FCGR2B: variants seen among roughly 807,000 people sequenced by gnomAD.
FCGR2B encodes low affinity immunoglobulin gamma Fc region receptor II-b.
FCGR2B carries 18 observed loss-of-function variants against 24.8 expected under a neutral mutation model. The observed-to-expected ratio is 0.73, with a 90% CI of 0.50 to 1.08. The LOEUF is 1.08. Ranked by LOEUF, FCGR2B falls within the 50% of genes least tolerant of loss-of-function variation. The pLI, the probability that FCGR2B is intolerant of heterozygous loss-of-function variation, is 0.00. For missense variants in FCGR2B, 215 were observed against 297.6 expected (o/e 0.72, Z 2.04); for synonymous variants, 79 against 109.8 (o/e 0.72, Z 1.75).
chr1:161,671,582 C>T lies in FCGR2B; in HGVS notation c.324C>T (p.Ser108=), dbSNP rs528404100. 1.7e-5 allele frequency: 27 copies of T among 1,614,150 alleles called. No individual in the cohort carries two copies. The highest frequency in any genetic ancestry group is 5.3e-5 in the African/African-American group (4 of 75,036). ...SYRFKANNND[S]GEYTCQTGQT... ...GGTTCAAGGCCAACAACAATGACAGCGGGGAGTACACGTGCCAGACTGGCC... is the reference window on the plus strand; with the variant it reads ...GGTTCAAGGCCAACAACAATGACAGTGGGGAGTACACGTGCCAGACTGGCC... The change falls in exon 3 of 8, where the codon AGC becomes AGT. Residue 108 remains serine (S), a synonymous_variant. Transcript: ENST00000358671.
At chr1:161,647,297 C>CTTTT in the FCGR2B span, among the ~76,000 whole-genome samples, 456 of 122,508 alleles carry the variant, frequency 3.7e-3, 13 homozygotes, top group African/African-American at 0.014. Flanking sequence ...GCTCTGGACT[C>CTTTT]TTTTTTTTTT....
At chr1:161,669,726 T>C (rs1265278629) in intron 1 of FCGR2B, among the ~76,000 whole-genome samples, 1 of 122,080 alleles carries the variant, frequency 8.2e-6, no homozygotes, top group Non-Finnish European at 1.9e-5. Context: ...CACTTATGTA[T>C]GTCTGTATGT....
chr1:161,647,863 T>A, the FCGR2B span, among the ~76,000 whole-genome samples: 3 of 150,980 alleles, frequency 2.0e-5, no homozygotes, highest in Non-Finnish European at 4.4e-5. Context: ...CACACTGTGC[T>A]TCGTGTGTTC....
intron 6 of FCGR2B, 126 bp from the exon 7 acceptor site, chr1:161,677,202 C>T (rs187492175): frequency 1.1e-6 from 1 of 900,104 alleles, no homozygotes; most frequent in Admixed American, 2.1e-5. Context: ...CCTAGAGGCC[C>T]AAGACAGGGT....
chr1:161,672,898 C>T, intron 3 of FCGR2B, 77 bp from the exon 4 acceptor site: 1 of 1,587,008 alleles, frequency 6.3e-7, no homozygotes, highest in Non-Finnish European at 8.6e-7. Context: ...ACATCGTGTC[C>T]CACCAGTAAG....
Position 161,671,543 on chromosome 1 carries a change from G to T in FCGR2B, c.285G>T (p.Thr95=), listed in dbSNP as rs201949883. ...FHNGNLIPTH[T]QPSYRFKANN... is the part of the protein sequence containing the mutation. ...ATGGGAATCTCATTCCCACCCACAC[G>T]CAGCCCAGCTACAGGTTCAAGGCCA... Residue 95 remains threonine, a synonymous_variant, in exon 3 of 8, where the codon ACG becomes ACT. Coordinates refer to ENST00000358671, the MANE Select transcript of FCGR2B (RefSeq NM_001394477.1). 47 of 1,614,016 alleles carry T rather than the reference G, an allele frequency of 2.9e-5. No individual in the cohort carries two copies. The highest frequency in any genetic ancestry group is 3.8e-5 in the Non-Finnish European group (45 of 1,180,046).
At chr1:161,656,292 GTTC>G in the FCGR2B span, among the ~76,000 whole-genome samples, 34,584 of 141,174 alleles carry the variant, frequency 0.24, 4,655 homozygotes, top group Middle Eastern at 0.33. Context: ...AGAGACCACT[GTTC>G]TTCTCATTTC....
At chr1:161,661,240 AAG>A (rs1681049296), upstream of FCGR2B, among the ~76,000 whole-genome samples, 1 of 80,242 alleles carries the variant, frequency 1.2e-5, no homozygotes, top group Non-Finnish European at 2.9e-5. Context: ...GAAAGAAAGA[AAG>A]AAAGAAAGAA....
chr1:161,647,535 A>T, the FCGR2B span, among the ~76,000 whole-genome samples: 5 of 150,262 alleles, frequency 3.3e-5, no homozygotes, highest in African/African-American at 1.2e-4. Context: ...TCCTGACCTC[A>T]GGTGATTCCC....
chr1:161,670,985 T>A (rs1235410122), intron 2 of FCGR2B, among the ~76,000 whole-genome samples: 1 of 151,532 alleles, frequency 6.6e-6, no homozygotes, highest in Non-Finnish European at 1.5e-5. Flanking sequence ...GGGAAATTTA[T>A]CCACTAGTGT....
In FCGR2B at chr1:161,671,426, C is replaced by T; in HGVS notation, c.168C>T (p.Pro56=). Residue 56 remains proline (P), a synonymous_variant, in exon 3 of 8, where the codon CCC becomes CCT. Transcript: ENST00000358671. ...CAAAGGCTGTGCTGAAACTCGAGCC[C>T]CAGTGGATCAACGTGCTCCAGGAGG... The part of the protein sequence containing the change: ...APPKAVLKLE[P]QWINVLQEDS... 7.4e-6 allele frequency: 12 copies of T among 1,614,194 alleles called. No individual in the cohort carries two copies. The highest frequency in any genetic ancestry group is 1.0e-5 in the Non-Finnish European group (12 of 1,180,042).
At chr1:161,671,832 G>A (rs758450618) in intron 3 of FCGR2B, 183 bp downstream of exon 3, 1 of 1,246,074 alleles carries the variant, frequency 8.0e-7, no homozygotes, top group Non-Finnish European at 1.1e-6. Flanking sequence ...AAGGTTTCAA[G>A]GCCAAAAACA....
At chr1:161,652,680 T>G in the FCGR2B span, among the ~76,000 whole-genome samples, 4,565 of 134,842 alleles carry the variant, frequency 0.034, 1,131 homozygotes, top group Middle Eastern at 0.059. Flanking sequence ...TGTTGGCTCA[T>G]TGTTTTTATT....
chr1:161,653,700 G>C, the FCGR2B span, among the ~76,000 whole-genome samples: 12 of 127,820 alleles, frequency 9.4e-5, no homozygotes, highest in African/African-American at 3.2e-4. Context: ...CCATTGCTTA[G>C]TGTGTCTTCC....
At chr1:161,647,537 G>GCT in the FCGR2B span, among the ~76,000 whole-genome samples, 2 of 150,352 alleles carry the variant, frequency 1.3e-5, no homozygotes, top group Non-Finnish European at 1.5e-5. Flanking sequence ...CTGACCTCAG[G>GCT]TGATTCCCCC....
At chr1:161,663,454 CA>C in intron 1 of FCGR2B, 101 bp downstream of exon 1, 1 of 254,390 alleles carries the variant, frequency 3.9e-6, no homozygotes, top group Non-Finnish European at 7.3e-6. Flanking sequence ...TCAGGACACC[CA>C]GGGGAGGGAA....
chr1:161,677,570 T>C lies in FCGR2B; in HGVS notation c.*17T>C, dbSNP rs72554670. 16,252 of 1,584,740 alleles carry C rather than the reference T, an allele frequency of 0.01. 124 individuals carry two copies. The highest frequency in any genetic ancestry group is 0.013 in the Non-Finnish European group (14,753 of 1,156,236). The stretch of plus-strand genomic sequence containing the variant: ...CGTATTTAGTCTCCATTGTCTTGCA[T>C]TGGGATTTGAGAAGAAAATCAGAGA... On this transcript the variant is annotated 3_prime_UTR_variant, in exon 8 of 8. Coordinates refer to ENST00000358671, the MANE Select transcript of FCGR2B (RefSeq NM_001394477.1).
chr1:161,647,745 CA>C, the FCGR2B span, among the ~76,000 whole-genome samples: 1 of 150,930 alleles, frequency 6.6e-6, no homozygotes, highest in African/African-American at 2.4e-5. Flanking sequence ...ACTTTTGTTT[CA>C]ACAGAGGGCA....
chr1:161,654,080 T>C, the FCGR2B span, among the ~76,000 whole-genome samples: 9 of 136,820 alleles, frequency 6.6e-5, no homozygotes, highest in African/African-American at 2.2e-4. Flanking sequence ...TTTGAGAAAT[T>C]GCTGCTTGCT....
Sources: gnomAD v4.1 joint callset for allele counts (sites outside exome capture counted in the v4.1 genomes callset) on GRCh38, gnomAD v4.1.1 for gene constraint, MANE v1.5 for transcripts, NCBI Gene and HGNC (gene_info 2026-07-23, HGNC 2026-07-21) for gene names.